KCNH5: variants seen among roughly 807,000 people sequenced by gnomAD.
The protein encoded by KCNH5 is potassium voltage-gated channel subfamily H member 5.
In KCNH5, 46 loss-of-function variants were observed where a neutral mutation model predicts 96.1. That is an observed-to-expected ratio of 0.48 (90% CI 0.38 to 0.61). The LOEUF is 0.61. Ranked by LOEUF, KCNH5 falls within the 20% of genes least tolerant of loss-of-function variation. The pLI is 0.00. For synonymous variants in KCNH5, 439 were observed against 449.8 expected (o/e 0.98, Z 0.30); for missense variants, 907 against 1,225.8 (o/e 0.74, Z 3.88).
intron 1 of KCNH5, among the ~76,000 whole-genome samples, chr14:63,028,533 T>A (rs941384577): frequency 2.0e-5 from 3 of 152,166 alleles, no homozygotes; most frequent in African/African-American, 7.2e-5. Context: ...CTAGAACACA[T>A]GTTCCTTAAA....
At chr14:63,023,169 C>CTACA (rs1891461618) in intron 1 of KCNH5, among the ~76,000 whole-genome samples, 1 of 151,200 alleles carries the variant, frequency 6.6e-6, no homozygotes, top group African/African-American at 2.4e-5. Flanking sequence ...TGCCACTGAA[C>CTACA]TACAGCCTGG....
At chr14:62,734,839 A>C (rs1282418629) in intron 10 of KCNH5, among the ~76,000 whole-genome samples, 1 of 152,202 alleles carries the variant, frequency 6.6e-6, no homozygotes, top group Non-Finnish European at 1.5e-5. Flanking sequence ...TTTATAATTA[A>C]AAGTAATTAT....
chr14:62,770,936 G>A (rs1471325496), intron 10 of KCNH5, among the ~76,000 whole-genome samples: 1 of 152,150 alleles, frequency 6.6e-6, no homozygotes, highest in African/African-American at 2.4e-5. Flanking sequence ...GCTGTATTTG[G>A]AGACAAGGCT....
rs80036876 is a variant in KCNH5 at position 63,039,664 on chromosome 14, A to C, written c.73+5450T>G. 4.3e-4 allele frequency among the ~76,000 whole-genome samples: 65 copies of C among 152,246 alleles called. 4 individuals are homozygous for C. The South Asian group carries it at 5.6e-3, about 13-fold the overall frequency. On this transcript the variant is annotated intron_variant, in intron 1 of 10. Coordinates refer to ENST00000322893, the MANE Select transcript of KCNH5 (RefSeq NM_139318.5). ...CTAAAGAAAATGCTCTATTAGTCTA[A>C]AATGTATTTAAATCCATCTCTTTAC...
At chr14:62,880,339 A>G (rs2140075312) in intron 7 of KCNH5, among the ~76,000 whole-genome samples, 1 of 152,334 alleles carries the variant, frequency 6.6e-6, no homozygotes, top group South Asian at 2.1e-4. Flanking sequence ...TCCATATACC[A>G]CTGTGAATTC....
intron 7 of KCNH5, among the ~76,000 whole-genome samples, chr14:62,865,123 T>C (rs1178987516): frequency 6.6e-6 from 1 of 152,070 alleles, no homozygotes; most frequent in African/African-American, 2.4e-5. Flanking sequence ...AACTTCAATT[T>C]CACCAAAAAA....
intron 10 of KCNH5, among the ~76,000 whole-genome samples, chr14:62,779,291 CTT>C (rs1409167871): frequency 6.6e-6 from 1 of 152,098 alleles, no homozygotes; most frequent in Admixed American, 6.5e-5. Flanking sequence ...AAAGAGTAAA[CTT>C]TGTGAATTGA....
chr14:62,719,544 C>T (rs532451371), intron 10 of KCNH5, among the ~76,000 whole-genome samples: 12 of 152,288 alleles, frequency 7.9e-5, no homozygotes, highest in African/African-American at 2.4e-4. Context: ...ACCACTCCAG[C>T]GCAGCCACAC....
chr14:63,016,771 A>C (rs1416682792), intron 2 of KCNH5, 60 bp downstream of exon 2: 2 of 1,554,898 alleles, frequency 1.3e-6, no homozygotes, highest in Non-Finnish European at 8.7e-7. Context: ...TAAGCCTTTT[A>C]ATTACATTCA....
rs74058705 is a variant in KCNH5, at chr14:62,812,836, C to T, written c.1570-10255G>A. Among the ~76,000 whole-genome samples, 1,211 of 152,200 alleles carry T rather than the reference C, an allele frequency of 8.0e-3. 12 individuals carry two copies. Among genetic ancestry groups the T allele is most frequent in the African/African-American group, 0.028 (1,159 of 41,560 alleles). ...CATCGTTACAAAACTTCAAACTCTA[C>T]TATTTTATTTCTTGCTATAATGACT... On this transcript the variant is annotated intron_variant, in intron 8 of 10. Transcript: ENST00000322893.
intron 7 of KCNH5, among the ~76,000 whole-genome samples, chr14:62,877,833 T>A (rs1888407390): frequency 6.6e-6 from 1 of 151,852 alleles, no homozygotes; most frequent in East Asian, 1.9e-4. Context: ...GATCCAGCCA[T>A]CCCATTACTA....
At chr14:62,863,375 T>G (rs1419401694) in intron 7 of KCNH5, among the ~76,000 whole-genome samples, 1 of 152,146 alleles carries the variant, frequency 6.6e-6, no homozygotes, top group African/African-American at 2.4e-5. Flanking sequence ...TCTGAAGAGA[T>G]GGAAGACAAA....
chr14:62,960,591 G>T (rs1187897818), intron 6 of KCNH5, among the ~76,000 whole-genome samples: 2 of 152,000 alleles, frequency 1.3e-5, no homozygotes, highest in African/African-American at 4.8e-5. Context: ...CATAAGCATT[G>T]GGCCCTTATT....
intron 6 of KCNH5, among the ~76,000 whole-genome samples, chr14:62,956,341 C>G (rs898734776): frequency 6.6e-6 from 1 of 152,082 alleles, no homozygotes; most frequent in African/African-American, 2.4e-5. Context: ...TAGTGTCTCC[C>G]TTTGTTGGGA....
intron 9 of KCNH5, among the ~76,000 whole-genome samples, chr14:62,796,038 C>T (rs965181348): frequency 7.9e-5 from 12 of 152,142 alleles, no homozygotes; most frequent in Admixed American, 5.9e-4. Flanking sequence ...TAGGGATAGA[C>T]AATGACACAA....
rs547889410 is a variant in KCNH5, at chr14:62,727,364, CA to C, written c.2020-18910del. Among the ~76,000 whole-genome samples, 259 of 142,842 alleles carry C rather than the reference CA, an allele frequency of 1.8e-3. 2 individuals are homozygous for C. The highest frequency in any genetic ancestry group is 6.4e-3 in the African/African-American group (250 of 38,880). The allele number at this position is 142,842 out of a possible 152,430, so 93.7% of individuals were successfully genotyped here. On this transcript the variant is annotated intron_variant, in intron 10 of 10. Coordinates refer to ENST00000322893, the MANE Select transcript of KCNH5 (RefSeq NM_139318.5). ...TGGGCAACAGAGTGAGACTCTGTCT[CA>C]AAAAAAAAAGAAAAAATTGAGTAGG...
At chr14:62,972,345 A>G (rs1890424756) in intron 6 of KCNH5, among the ~76,000 whole-genome samples, 1 of 152,212 alleles carries the variant, frequency 6.6e-6, no homozygotes, top group Admixed American at 6.5e-5. Context: ...AAATACTAAC[A>G]CCGCCAAGTG....
At chr14:62,978,129 T>C (rs1017118360) in intron 6 of KCNH5, among the ~76,000 whole-genome samples, 1 of 152,186 alleles carries the variant, frequency 6.6e-6, no homozygotes, top group African/African-American at 2.4e-5. Context: ...TGGAAAATGA[T>C]TAACAACTAG....
At chr14:62,851,515 AC>A (rs200454269) in intron 7 of KCNH5, among the ~76,000 whole-genome samples, 47,529 of 143,792 alleles carry the variant, frequency 0.33, 8,898 homozygotes, top group South Asian at 0.61. Context: ...AAAAAAAAAA[AC>A]CTAAAGGTAA....
Sources: gnomAD v4.1 joint callset for allele counts (sites outside exome capture counted in the v4.1 genomes callset) on GRCh38, gnomAD v4.1.1 for gene constraint, MANE v1.5 for transcripts, NCBI Gene and HGNC (gene_info 2026-07-23, HGNC 2026-07-21) for gene names.